GNG2: variants seen among roughly 807,000 people sequenced by gnomAD.
GNG2 encodes the protein G protein subunit gamma 2.
Under a neutral mutation model 5.5 loss-of-function variants are expected in GNG2, and 5 were observed. The observed-to-expected ratio is 0.91, with a 90% CI of 0.48 to 1.92. The LOEUF (loss-of-function observed/expected upper bound fraction) is 1.92. Ranked by LOEUF, GNG2 falls within the 30% of genes most tolerant of loss-of-function variation. The probability of loss-of-function intolerance (pLI) is 0.01; values close to 1 mark genes in which losing one functional copy is unlikely to be tolerated. For synonymous variants in GNG2, 28 were observed against 32.0 expected (o/e 0.88, Z 0.42); for missense variants, 55 against 88.4 (o/e 0.62, Z 1.52).
At chr14:51,885,088 C>T in intron 2 of GNG2, among the ~76,000 whole-genome samples, 1 of 152,142 alleles carries the variant, frequency 6.6e-6, no homozygotes, top group Non-Finnish European at 1.5e-5. Flanking sequence ...AATTGGAGTC[C>T]ATGAATCCAG....
intron 2 of GNG2, among the ~76,000 whole-genome samples, chr14:51,930,697 A>G (rs142332069): frequency 5.7e-4 from 87 of 152,330 alleles, no homozygotes; most frequent in African/African-American, 2.0e-3. Context: ...GGGGTGATTT[A>G]TACAGAGAAG....
rs1555348001 is a variant in GNG2, at chr14:51,847,875, C to CTTTTTTTTTTTTTTTTTTTTTTTT, written c.64+20073_64+20074insTTTTTTTTTTTTTTTTTTTTTTTT. Among the ~76,000 whole-genome samples the CTTTTTTTTTTTTTTTTTTTTTTTT allele has an allele frequency of 3.0e-5, 2 of 66,148 alleles. 1 individual carries two copies. Among genetic ancestry groups the CTTTTTTTTTTTTTTTTTTTTTTTT allele is most frequent in the Non-Finnish European group, 6.3e-5 (2 of 31,510 alleles). The allele number at this position is 66,148 out of a possible 152,430, so 43.4% of individuals were successfully genotyped here. On this transcript the variant is annotated intron_variant, in intron 2 of 3. Transcript: ENST00000553432. ...GGATGTTACTCTATGAATACAGGTC[C>CTTTTTTTTTTTTTTTTTTTTTTTT]TTTTTCTTTTTTTTTTTTTTTTTTT...
intron 2 of GNG2, among the ~76,000 whole-genome samples, chr14:51,839,631 C>A (rs1369222563): frequency 6.6e-6 from 1 of 152,098 alleles, no homozygotes; most frequent in African/African-American, 2.4e-5. Flanking sequence ...GAGGAGTTAA[C>A]TGCAAAGGAG....
At chr14:51,836,228 A>T (rs550914508) in intron 2 of GNG2, among the ~76,000 whole-genome samples, 3 of 152,104 alleles carry the variant, frequency 2.0e-5, no homozygotes, top group African/African-American at 7.2e-5. Flanking sequence ...TCTCGCAAAG[A>T]CCTCACCTCC....
chr14:51,942,597 T>TTCTTTCTTTC (rs1888403996), intron 2 of GNG2, among the ~76,000 whole-genome samples: 3 of 9,048 alleles, frequency 3.3e-4, no homozygotes, highest in South Asian at 2.5e-3. Flanking sequence ...TTCTTTTTTT[T>TTCTTTCTTTC]TTTTTTTTTA....
intron 2 of GNG2, among the ~76,000 whole-genome samples, chr14:51,885,989 T>C (rs1395084022): frequency 1.3e-5 from 2 of 152,166 alleles, no homozygotes; most frequent in African/African-American, 4.8e-5. Context: ...TGATAATACC[T>C]CTCAATGAGG....
chr14:51,833,475 C>A (rs1412604067), intron 2 of GNG2, among the ~76,000 whole-genome samples: 1 of 152,178 alleles, frequency 6.6e-6, no homozygotes. Context: ...TCCTTAGAAC[C>A]TGGAGTAGGG....
chr14:51,878,050 T>C (rs12895034), intron 2 of GNG2: 50,801 of 167,038 alleles, frequency 0.3, 8,742 homozygotes, highest in Non-Finnish European at 0.38. Context: ...TCTTAACAGA[T>C]GGTTGTAAAC....
At chr14:51,839,710 T>G (rs1471780557) in intron 2 of GNG2, among the ~76,000 whole-genome samples, 1 of 152,238 alleles carries the variant, frequency 6.6e-6, no homozygotes, top group Non-Finnish European at 1.5e-5. Flanking sequence ...CATGATTGTG[T>G]GTGTTTGTCA....
At chr14:51,894,189 A>G (rs1179013184) in intron 2 of GNG2, among the ~76,000 whole-genome samples, 2 of 152,092 alleles carry the variant, frequency 1.3e-5, no homozygotes, top group Non-Finnish European at 2.9e-5. Context: ...GGACTTTTTT[A>G]TATTTTGCGG....
chr14:51,949,136 A>G lies in GNG2; in HGVS notation c.-29-1514A>G, dbSNP rs938627811. Among the ~76,000 whole-genome samples the G allele has an allele frequency of 2.0e-3, 302 of 151,344 alleles. 1 individual carries two copies. Among genetic ancestry groups the G allele is most frequent in the Non-Finnish European group, 2.3e-3 (156 of 67,838 alleles). On this transcript the variant is annotated intron_variant, in intron 2 of 3. Transcript: ENST00000556766. ...ACTCCGTCTCAAAAAAAAAAAAAAA[A>G]GAAAAGAAATTGAGGGAACAATTAA...
At chr14:51,885,590 A>AAC (rs148960161) in intron 2 of GNG2, among the ~76,000 whole-genome samples, 50,886 of 150,108 alleles carry the variant, frequency 0.34, 9,232 homozygotes, top group Non-Finnish European at 0.42. Context: ...CGTATTCTAT[A>AAC]ACACACACAC....
At chr14:51,827,938 G>A (rs1881072388) in intron 2 of GNG2, 1 of 591,198 alleles carries the variant, frequency 1.7e-6, no homozygotes, top group African/African-American at 1.9e-5. Flanking sequence ...ACTCAGGAGG[G>A]AGCATAAAGC....
chr14:51,848,756 G>C (rs745785242), intron 2 of GNG2, among the ~76,000 whole-genome samples: 1 of 152,204 alleles, frequency 6.6e-6, no homozygotes, highest in Non-Finnish European at 1.5e-5. Flanking sequence ...GAATGGGCTA[G>C]TGTTGGAGGA....
upstream of GNG2, chr14:51,860,583 T>C (rs934816575): frequency 2.0e-5 from 3 of 152,300 alleles, no homozygotes; most frequent in Non-Finnish European, 2.9e-5. Flanking sequence ...AGAAAGAACG[T>C]TGATTGAAGA....
At chr14:51,947,231 C>T (rs1016450106) in intron 2 of GNG2, among the ~76,000 whole-genome samples, 2 of 152,154 alleles carry the variant, frequency 1.3e-5, no homozygotes, top group Non-Finnish European at 2.9e-5. Flanking sequence ...AACAACCCCC[C>T]AAAGATGTTC....
chr14:51,902,026 GA>G (rs1242009732), intron 2 of GNG2, among the ~76,000 whole-genome samples: 2 of 141,518 alleles, frequency 1.4e-5, no homozygotes, highest in East Asian at 4.2e-4. Context: ...GAATATTTTG[GA>G]AATTATTTTC....
chr14:51,868,250 T>C (rs1348086171), intron 1 of GNG2, among the ~76,000 whole-genome samples: 2 of 151,912 alleles, frequency 1.3e-5, no homozygotes, highest in Non-Finnish European at 2.9e-5. Context: ...ATTCGAGTAT[T>C]GAGAGAGACT....
At chr14:51,855,046 AG>A (rs1477072673) in intron 2 of GNG2, among the ~76,000 whole-genome samples, 2 of 152,172 alleles carry the variant, frequency 1.3e-5, no homozygotes, top group African/African-American at 4.8e-5. Flanking sequence ...GGGTTAGGAA[AG>A]CAAGCATCTT....
Sources: gnomAD v4.1 joint callset for allele counts (sites outside exome capture counted in the v4.1 genomes callset) on GRCh38, gnomAD v4.1.1 for gene constraint, MANE v1.5 for transcripts, NCBI Gene and HGNC (gene_info 2026-07-23, HGNC 2026-07-21) for gene names.